BOD1L1: variants seen among roughly 807,000 people sequenced by gnomAD.
The protein encoded by BOD1L1 is biorientation of chromosomes in cell division protein 1-like 1.
In BOD1L1, 86 loss-of-function variants were observed where a neutral mutation model predicts 240.7. That is an observed-to-expected ratio of 0.36 (90% CI 0.30 to 0.43). The LOEUF (loss-of-function observed/expected upper bound fraction) is 0.43. Among genes scored for constraint, BOD1L1 ranks in the 20% least tolerant of loss-of-function variants. The pLI is 1.00. For missense variants in BOD1L1, 3,554 were observed against 3,643.5 expected (o/e 0.98, Z 0.63); for synonymous variants, 1,268 against 1,272.3 (o/e 1.00, Z 0.07).
rs372366388 is a variant in BOD1L1, at chr4:13,609,478, A to T, written c.1492-72T>A. ...CACACTGAAAAATTGTATTTTTTTT[A>T]AAGTTTTAGTTTACCCTTCAGATGT... On this transcript the variant is annotated intron_variant, in intron 6 of 25. Coordinates refer to ENST00000040738, the MANE Select transcript of BOD1L1 (RefSeq NM_148894.3). 831 of 1,032,016 alleles carry T rather than the reference A, an allele frequency of 8.1e-4. 15 individuals carry two copies. The South Asian group carries it at 0.016, about 20-fold the overall frequency. 63.9% of individuals were successfully genotyped at this position (1,032,016 alleles called of 1,614,324 possible). A position where few individuals can be genotyped will look rare whatever the true frequency, so the allele number is the denominator to read the frequency against.
intron 3 of BOD1L1, 90 bp from the exon 4 acceptor site, chr4:13,614,900 A>G (rs1433402890): frequency 3.8e-6 from 5 of 1,302,790 alleles, no homozygotes; most frequent in Admixed American, 2.7e-5. Flanking sequence ...TCATCTTTAT[A>G]TGATGCATAT....
chr4:13,608,565 T>C lies in BOD1L1; in HGVS notation c.1707A>G (p.Lys569=). ...VLKERKVLEK[K]VALSKKRKKD... ...TTTTTCTCTTTTTGCTTAAGGCTAC[T>C]TTTTTTTCTAAAACTTTCCGTTCTT... is the stretch of plus-strand genomic sequence containing the variant. Residue 569 remains lysine (K), a synonymous_variant, in exon 8 of 26, where the codon AAA becomes AAG. Transcript: ENST00000040738. 1 of 1,540,524 alleles carries C rather than the reference T, an allele frequency of 6.5e-7. No homozygotes were observed. Among genetic ancestry groups the C allele is most frequent in the Non-Finnish European group, 8.7e-7 (1 of 1,146,002 alleles).
chr4:13,623,809 T>G (rs1292783901), intron 1 of BOD1L1: 4 of 152,206 alleles, frequency 2.6e-5, no homozygotes, highest in Non-Finnish European at 5.9e-5. Flanking sequence ...ACAGACATAA[T>G]CCACTATAAC....
intron 13 of BOD1L1, among the ~76,000 whole-genome samples, chr4:13,591,014 C>T (rs889968159): frequency 7.9e-5 from 12 of 151,936 alleles, no homozygotes; most frequent in African/African-American, 2.7e-4. Context: ...CCAGCTGGCT[C>T]GGTAAGCTCC....
At chr4:13,582,207 G>A in intron 19 of BOD1L1, 30 bp downstream of exon 19, 12 of 1,569,500 alleles carry the variant, frequency 7.6e-6, no homozygotes, top group Non-Finnish European at 1.0e-5. Flanking sequence ...AAATAATTGT[G>A]AACAAACAAA....
At position 13,602,463 on chromosome 4, in the gene BOD1L1, G is replaced by A. The variant is rs1444490237; in HGVS notation, c.4437C>T (p.Asn1479=). ...TTCCAGCACTGGTGTCTACCTCACT[G>A]TTTTCATTCCTTCTTTCAACATCAA... ...ISIDVERRNE[N]SEVDTSAGSG... The change falls in exon 10 of 26, where the codon AAC becomes AAT. Residue 1479 remains asparagine, a synonymous_variant. Transcript: ENST00000040738. 1 of 1,613,822 alleles carries A rather than the reference G, an allele frequency of 6.2e-7. No homozygotes were observed. The highest frequency in any genetic ancestry group is 8.5e-7 in the Non-Finnish European group (1 of 1,179,884).
chr4:13,581,732 C>G (rs1176786298), intron 19 of BOD1L1, among the ~76,000 whole-genome samples: 1 of 152,228 alleles, frequency 6.6e-6, no homozygotes, highest in East Asian at 1.9e-4. Flanking sequence ...CCCTGAAAAT[C>G]TATGGGCTTA....
intron 3 of BOD1L1, 104 bp downstream of exon 3, chr4:13,615,208 G>A: frequency 8.5e-7 from 1 of 1,176,828 alleles, no homozygotes. Flanking sequence ...AATTTCATTG[G>A]AATAGCCAAA....
At chr4:13,611,745 T>C (rs1371319316) in intron 5 of BOD1L1, among the ~76,000 whole-genome samples, 1 of 152,212 alleles carries the variant, frequency 6.6e-6, no homozygotes, top group Non-Finnish European at 1.5e-5. Flanking sequence ...ATATTTATGC[T>C]TTACCATTGT....
chr4:13,575,604 A>G (rs1035225520), intron 25 of BOD1L1, among the ~76,000 whole-genome samples: 15 of 152,058 alleles, frequency 9.9e-5, no homozygotes, highest in Non-Finnish European at 1.5e-4. Flanking sequence ...CTGGTCTCAT[A>G]AACTCCTGGG....
In BOD1L1 at chr4:13,599,578, A is replaced by G. The variant is rs781694115; in HGVS notation, c.7322T>C (p.Ile2441Thr). 1.2e-6 allele frequency: 2 copies of G among 1,613,896 alleles called. No homozygotes were observed. The highest frequency in any genetic ancestry group is 1.7e-6 in the Non-Finnish European group (2 of 1,179,870). ...CTGTCCTCTTCCTGCAAATGGTCCT[A>G]TTTCGGGGCACTCCTTGCCATGCTT... Reference protein sequence around the residue: ...EEKHGKECPEIGPFAGRGQKE... With the variant: ...EEKHGKECPETGPFAGRGQKE... Residue 2441 changes from isoleucine to threonine, a missense_variant, in exon 10 of 26, where the codon ATA becomes ACA. This residue lies in a region of BOD1L1 where 3,393 missense variants were observed against 3,427.1 expected (regional missense o/e 0.99). Coordinates refer to ENST00000040738, the MANE Select transcript of BOD1L1 (RefSeq NM_148894.3).
At chr4:13,584,411 C>T (rs902220474) in intron 17 of BOD1L1, among the ~76,000 whole-genome samples, 21 of 137,554 alleles carry the variant, frequency 1.5e-4, no homozygotes, top group Admixed American at 6.6e-4. Flanking sequence ...AGCATGTGTG[C>T]GTGTGTGGCG....
intron 9 of BOD1L1, among the ~76,000 whole-genome samples, 169 bp from the exon 10 acceptor site, chr4:13,605,253 A>G (rs1715600735): frequency 1.3e-5 from 2 of 152,226 alleles, no homozygotes; most frequent in Non-Finnish European, 2.9e-5. Context: ...ATTTTAAAAA[A>G]TAAGTATTAT....
At chr4:13,609,460 A>C (rs1356563122) in intron 6 of BOD1L1, 54 bp from the exon 7 acceptor site, 1 of 1,168,000 alleles carries the variant, frequency 8.6e-7, no homozygotes, top group Non-Finnish European at 1.2e-6. Flanking sequence ...AAACACACTG[A>C]AAAATTGTAT....
chr4:13,602,215 C>T lies in BOD1L1; in HGVS notation c.4685G>A (p.Gly1562Asp). 1 of 1,613,702 alleles carries T rather than the reference C, an allele frequency of 6.2e-7. No individual in the cohort carries two copies. The highest frequency in any genetic ancestry group is 1.1e-5 in the South Asian group (1 of 91,026). The change falls in exon 10 of 26, where the codon GGC (glycine) becomes GAC (aspartate). Residue 1562 changes from glycine to aspartate, a missense_variant. Gly to Asp is a moderately conservative substitution (Grantham distance 94). Transcript: ENST00000040738. ...LPCTSIEADE[G>D]LIIGTHSRNN... ...TCTGGAATGTGTTCCTATTATGAGG[C>T]CTTCATCTGCCTCAATGCTGGTGCA... is the stretch of plus-strand genomic sequence containing the variant.
At chr4:13,610,666 G>A (rs542451532) in intron 6 of BOD1L1, among the ~76,000 whole-genome samples, 4 of 152,264 alleles carry the variant, frequency 2.6e-5, no homozygotes, top group Admixed American at 6.5e-5. Flanking sequence ...ATGTATATGC[G>A]AATATTCCAA....
chr4:13,600,937 T>C lies in BOD1L1; in HGVS notation c.5963A>G (p.Asp1988Gly), dbSNP rs765884738. ...ATCTTCAACTTTTTCGAGCTGACTG[T>C]CACTTTGATCAGATGCAGCACTAGT... Reference protein sequence around the residue: ...PMTSAASDQSDSQLEKVEDTT... With the variant: ...PMTSAASDQSGSQLEKVEDTT... The change falls in exon 10 of 26, where the codon GAC becomes GGC. Residue 1988 changes from aspartate (D) to glycine (G), a missense_variant. Around this residue, in one of 2 missense-constraint regions of BOD1L1, gnomAD observed 3,393 missense variants for 3,427.1 expected, o/e 0.99. Coordinates refer to ENST00000040738, the MANE Select transcript of BOD1L1 (RefSeq NM_148894.3). 1 of 1,613,912 alleles carries C rather than the reference T, an allele frequency of 6.2e-7. No individual in the cohort carries two copies. The highest frequency in any genetic ancestry group is 1.7e-5 in the Admixed American group (1 of 60,026).
chr4:13,581,154 AG>A lies in BOD1L1; in HGVS notation c.8645del (p.Pro2882LeufsTer2). The A allele has an allele frequency of 6.3e-7, 1 of 1,577,256 alleles. No individual in the cohort carries two copies. Among genetic ancestry groups the A allele is most frequent in the South Asian group, 1.2e-5 (1 of 85,980 alleles). On this transcript the variant is annotated frameshift_variant, in exon 20 of 26. Transcript: ENST00000040738. LOFTEE classifies it high-confidence loss of function. Reference sequence around the variant, plus strand: ...TACTCATTTTTAACGTTGTTTCTACAGGGTATTTGCGAGGTCTTCCTCTTTT... The same window carrying A: ...TACTCATTTTTAACGTTGTTTCTACAGGTATTTGCGAGGTCTTCCTCTTTT... ...KRKRGRPRKYPVETTLKMKDD... is the reference protein window; with the variant it reads ...KRKRGRPRKYXVETTLKMKDD...
At chr4:13,615,111 T>C (rs1716486931) in intron 3 of BOD1L1, among the ~76,000 whole-genome samples, 1 of 152,194 alleles carries the variant, frequency 6.6e-6, no homozygotes, top group African/African-American at 2.4e-5. Flanking sequence ...CACACTCACA[T>C]CACATTACTA....
Sources: gnomAD v4.1 joint callset for allele counts (sites outside exome capture counted in the v4.1 genomes callset) on GRCh38, gnomAD v4.1.1 for gene constraint, gnomAD v4.1.1 regional missense constraint, MANE v1.5 for transcripts, NCBI Gene and HGNC (gene_info 2026-07-23, HGNC 2026-07-21) for gene names.